BDNF: variants seen among roughly 807,000 people sequenced by gnomAD.
BDNF encodes the protein neurotrophic factor BDNF precursor form.
In BDNF, 1 loss-of-function variant was observed where a neutral mutation model predicts 19.5. The ratio of observed to expected loss-of-function variants is 0.05; its 90% CI spans 0.02 to 0.24. BDNF has a LOEUF of 0.24. BDNF is among the 10% of genes least tolerant of loss of function. BDNF has a pLI of 1.00. For synonymous variants in BDNF, 100 were observed against 121.6 expected (o/e 0.82, Z 1.17); for missense variants, 195 against 317.6 (o/e 0.61, Z 2.93).
intron 1 of BDNF, among the ~76,000 whole-genome samples, chr11:27,711,117 C>A (rs754686624): frequency 6.5e-4 from 99 of 152,088 alleles, no homozygotes; most frequent in Non-Finnish European, 4.7e-4. Context: ...TAGGTTTGAA[C>A]CCAGCTTTGC....
intron 1 of BDNF, among the ~76,000 whole-genome samples, chr11:27,698,570 T>A (rs182649980): frequency 6.6e-6 from 1 of 152,178 alleles, no homozygotes. Flanking sequence ...TACAACAAAC[T>A]CATATAAAAA....
chr11:27,717,014 C>A (rs1161504132), intron 1 of BDNF, among the ~76,000 whole-genome samples: 1 of 152,122 alleles, frequency 6.6e-6, no homozygotes, highest in Non-Finnish European at 1.5e-5. Context: ...TCGCTCACTG[C>A]CTGATTTTGG....
chr11:27,708,244 A>G (rs1860188513), intron 1 of BDNF, among the ~76,000 whole-genome samples: 1 of 152,214 alleles, frequency 6.6e-6, no homozygotes, highest in African/African-American at 2.4e-5. Context: ...GATTTGAACT[A>G]CTATTCCCAC....
chr11:27,671,078 G>A (rs953735977), intron 1 of BDNF, among the ~76,000 whole-genome samples: 3 of 152,082 alleles, frequency 2.0e-5, no homozygotes, highest in Non-Finnish European at 2.9e-5. Context: ...AACACCGCAT[G>A]TTCTCACTCA....
At chr11:27,674,463 A>T in intron 1 of BDNF, 2 of 1,418,130 alleles carry the variant, frequency 1.4e-6, no homozygotes, top group African/African-American at 2.9e-5. Context: ...GTCACGGTTC[A>T]TTTCAACAGC....
intron 1 of BDNF, among the ~76,000 whole-genome samples, chr11:27,684,153 T>TTC (rs1379445978): frequency 6.6e-6 from 1 of 152,226 alleles, no homozygotes; most frequent in Non-Finnish European, 1.5e-5. Context: ...AGGCATTTTA[T>TTC]TCTCTTTGTA....
chr11:27,713,130 C>T (rs1007107331), intron 1 of BDNF, among the ~76,000 whole-genome samples: 1 of 152,046 alleles, frequency 6.6e-6, no homozygotes, highest in Non-Finnish European at 1.5e-5. Flanking sequence ...AACTCCTGAC[C>T]TCAAGTGATC....
intron 1 of BDNF, among the ~76,000 whole-genome samples, chr11:27,682,075 T>C (rs1856894654): frequency 6.6e-6 from 1 of 152,174 alleles, no homozygotes; most frequent in East Asian, 1.9e-4. Context: ...TTTCTGATTA[T>C]TTACAAGGCT....
intron 1 of BDNF, among the ~76,000 whole-genome samples, chr11:27,660,434 A>C (rs77959657): frequency 1.6e-3 from 238 of 152,338 alleles, no homozygotes; most frequent in African/African-American, 5.7e-3. Flanking sequence ...ATCTTTGTGA[A>C]TGTTCTGAGT....
rs529099414 is a variant in BDNF, at chr11:27,660,251, C to T, written c.-21-1666G>A. The stretch of plus-strand genomic sequence containing the variant: ...TTGTAAGAAATAACATTTTCAACCA[C>T]TAAGAGACTTTATTACCATCCCTAA... On this transcript the variant is annotated intron_variant, in intron 1 of 1. Coordinates refer to ENST00000356660, the MANE Select transcript of BDNF (RefSeq NM_001709.5). The T allele has an allele frequency of 1.5e-5, 19 of 1,251,616 alleles. No homozygotes were observed. In the South Asian group the frequency reaches 2.2e-4, roughly 15 times the overall value. The allele number at this position is 1,251,616 out of a possible 1,614,324, so 77.5% of individuals were successfully genotyped here. A position where few individuals can be genotyped will look rare whatever the true frequency, so the allele number is the denominator to read the frequency against.
intron 1 of BDNF, among the ~76,000 whole-genome samples, chr11:27,667,415 C>T (rs1211805375): frequency 6.6e-6 from 1 of 152,158 alleles, no homozygotes; most frequent in Non-Finnish European, 1.5e-5. Context: ...TCACACATAA[C>T]AATATTAACC....
upstream of BDNF, chr11:27,700,520 GCCCCCCC>G (rs67192910): frequency 5.8e-6 from 4 of 685,732 alleles, no homozygotes; most frequent in African/African-American, 1.3e-4. Context: ...AAACGGCGCC[GCCCCCCC>G]CCCCCCGCCC....
chr11:27,679,142 C>T (rs562544462), intron 1 of BDNF, among the ~76,000 whole-genome samples: 20 of 152,280 alleles, frequency 1.3e-4, no homozygotes, highest in Admixed American at 3.9e-4. Flanking sequence ...TGATGGGTGT[C>T]ATGCACTCCT....
intron 1 of BDNF, chr11:27,719,740 G>A (rs1860676400): frequency 5.3e-6 from 1 of 187,454 alleles, no homozygotes; most frequent in South Asian, 1.8e-4. Context: ...GAGGGGGCGG[G>A]GTGGAAGAAG....
chr11:27,691,119 C>T (rs1475628155), intron 1 of BDNF: 1 of 152,102 alleles, frequency 6.6e-6, no homozygotes, highest in African/African-American at 2.4e-5. Context: ...GGATAAAGAA[C>T]TTCAATCTTT....
chr11:27,676,267 T>G (rs1319781967), intron 1 of BDNF: 2 of 152,222 alleles, frequency 1.3e-5, no homozygotes, highest in African/African-American at 2.4e-5. Flanking sequence ...ACTGTCCAGG[T>G]GCAACTCTTC....
chr11:27,701,003 G>T, upstream of BDNF: 1 of 1,361,834 alleles, frequency 7.3e-7, no homozygotes, highest in East Asian at 4.6e-5. Flanking sequence ...CGGAGCTTGC[G>T]AACGCGAGCA....
At chr11:27,693,736 G>A (rs559788024) in intron 1 of BDNF, among the ~76,000 whole-genome samples, 1 of 152,308 alleles carries the variant, frequency 6.6e-6, no homozygotes, top group African/African-American at 2.4e-5. Context: ...CAAGAAATAA[G>A]TGAACATGTG....
At chr11:27,700,532 C>A (rs868785935), upstream of BDNF, 3 of 400,742 alleles carry the variant, frequency 7.5e-6, no homozygotes, top group Non-Finnish European at 9.3e-6. Context: ...CCCCCCCCCC[C>A]CGCCCCCCGC....
Sources: allele counts gnomAD v4.1 joint callset (sites outside exome capture counted in the v4.1 genomes callset), GRCh38; gene constraint gnomAD v4.1.1; transcripts MANE v1.5; gene names NCBI Gene and HGNC (gene_info 2026-07-23, HGNC 2026-07-21).